DCAKD: variants seen among roughly 807,000 people sequenced by gnomAD.
DCAKD encodes dephospho-CoA kinase domain containing, also known as dephospho-CoA kinase domain-containing protein.
In DCAKD, 15 loss-of-function variants were observed where a neutral mutation model predicts 18.7. That is an observed-to-expected ratio of 0.80 (90% confidence interval 0.54 to 1.24). The LOEUF (loss-of-function observed/expected upper bound fraction) is 1.24, where lower values mean the gene tolerates loss of function less well. Among genes scored for constraint, DCAKD ranks in the 50% most tolerant of loss-of-function variants. DCAKD has a pLI of 0.00. For missense variants in DCAKD, 301 were observed against 322.0 expected (o/e 0.93, Z 0.50); for synonymous variants, 130 against 133.0 (o/e 0.98, Z 0.16).
chr17:45,026,804 G>A (rs758861985), intron 4 of DCAKD: 1 of 985,416 alleles, frequency 1.0e-6, no homozygotes, highest in East Asian at 1.1e-4. Context: ...GCCTTCATCA[G>A]GGAGACCACA....
intron 4 of DCAKD, chr17:45,026,768 C>A: frequency 2.0e-6 from 2 of 985,410 alleles, no homozygotes; most frequent in Non-Finnish European, 2.4e-6. Context: ...CAATACCCAC[C>A]TCGCTGAGAA....
At chr17:45,028,624 G>A (rs983489273) in intron 4 of DCAKD, among the ~76,000 whole-genome samples, 37 of 150,840 alleles carry the variant, frequency 2.5e-4, no homozygotes, top group Admixed American at 1.6e-3. Context: ...TGGTCATGCC[G>A]CTCTCGAACT....
In DCAKD at chr17:45,048,378, C is replaced by T. The variant is rs183788666; in HGVS notation, c.-115+2983G>A. On this transcript the variant is annotated intron_variant, in intron 1 of 4. Transcript: ENST00000651974. ...AAAAATTAGGCCAGGCATGTTGGCT[C>T]ATGCCTGTAATCCCAGCACTTTGGG... Among the ~76,000 whole-genome samples the T allele has an allele frequency of 3.0e-4, 46 of 152,216 alleles. 1 individual carries two copies. Among genetic ancestry groups the T allele is most frequent in the African/African-American group, 1.0e-3 (43 of 41,504 alleles).
chr17:45,028,294 T>G (rs1483691398), intron 4 of DCAKD, among the ~76,000 whole-genome samples: 1 of 151,072 alleles, frequency 6.6e-6, no homozygotes, highest in Non-Finnish European at 1.5e-5. Flanking sequence ...GTATTTTTAG[T>G]AGAGACAGGG....
rs772231057 is a variant in DCAKD, at chr17:45,024,657, G to C, written c.472C>G (p.Arg158Gly). 1 of 1,611,184 alleles carries C rather than the reference G, an allele frequency of 6.2e-7. No individual in the cohort carries two copies. The highest frequency in any genetic ancestry group is 1.1e-5 in the South Asian group (1 of 91,010). ...GTCAGGGGCAGCTGGGCATTGATGC[G>C]GGCCTCTGCGTCCTTGCGGTTCAGG... Reference protein sequence around the residue: ...NSLNRKDAEARINAQLPLTDK... With the variant: ...NSLNRKDAEAGINAQLPLTDK... The change falls in exon 5 of 5, where the codon CGC becomes GGC. Residue 158 changes from arginine (R) to glycine (G), a missense_variant. Arg to Gly is a moderately radical substitution (Grantham distance 125, BLOSUM62 -2). Coordinates refer to ENST00000651974, the MANE Select transcript of DCAKD (RefSeq NM_001288655.2).
At chr17:45,039,115 C>T (rs138135079) in intron 1 of DCAKD, among the ~76,000 whole-genome samples, 1 of 152,272 alleles carries the variant, frequency 6.6e-6, no homozygotes, top group African/African-American at 2.4e-5. Flanking sequence ...CACTTGGCTG[C>T]GCACAGATCT....
chr17:45,060,231 G>C (rs1347460342), intron 1 of DCAKD, among the ~76,000 whole-genome samples: 3 of 152,116 alleles, frequency 2.0e-5, no homozygotes, highest in Non-Finnish European at 4.4e-5. Flanking sequence ...ATTAAAGAAA[G>C]AGTTGATGTG....
intron 4 of DCAKD, 34 bp downstream of exon 4, chr17:45,030,058 C>T: frequency 1.9e-6 from 3 of 1,578,612 alleles, no homozygotes; most frequent in Non-Finnish European, 2.6e-6. Flanking sequence ...CCCCCATGGT[C>T]CTCCCTTCCA....
At chr17:45,058,357 CTTTTA>C (rs977259134) in intron 1 of DCAKD, among the ~76,000 whole-genome samples, 16 of 151,876 alleles carry the variant, frequency 1.1e-4, no homozygotes, top group East Asian at 7.8e-4. Flanking sequence ...ATCTTTTTAT[CTTTTA>C]TTTTATTATT....
At chr17:45,039,608 C>T (rs1337173370) in intron 1 of DCAKD, among the ~76,000 whole-genome samples, 1 of 152,220 alleles carries the variant, frequency 6.6e-6, no homozygotes, top group Non-Finnish European at 1.5e-5. Flanking sequence ...AGTCTTCTCT[C>T]CAGCCTGGCC....
At chr17:45,044,673 CA>C (rs1567845707) in intron 1 of DCAKD, among the ~76,000 whole-genome samples, 1 of 150,112 alleles carries the variant, frequency 6.7e-6, no homozygotes, top group African/African-American at 2.5e-5. Flanking sequence ...GCCTGGGAGA[CA>C]GAGAGAGACT....
rs1190551324 is a variant in DCAKD, at chr17:45,058,085, C to T, written c.-118+2803G>A. Among the ~76,000 whole-genome samples, 7 of 140,064 alleles carry T rather than the reference C, an allele frequency of 5.0e-5. No individual in the cohort carries two copies. In the South Asian group the frequency reaches 1.4e-3, roughly 28 times the overall value. 91.9% of individuals were successfully genotyped at this position (140,064 alleles called of 152,430 possible). ...ATTCCAGCACTTTGGGAGGCCAAGG[C>T]AGGTGGATTACCTGAGGTCAGGAGT... On this transcript the variant is annotated intron_variant, in intron 1 of 4. Transcript: ENST00000310604.
At chr17:45,055,295 G>T (rs1250905658), upstream of DCAKD, among the ~76,000 whole-genome samples, 2 of 152,154 alleles carry the variant, frequency 1.3e-5, no homozygotes, top group Middle Eastern at 3.2e-3. Flanking sequence ...CATTTTGTTT[G>T]ATGAACAACC....
chr17:45,024,088 G>A lies in DCAKD; in HGVS notation c.*345C>T, dbSNP rs181457416. The A allele has an allele frequency of 2.1e-5, 5 of 238,700 alleles. No homozygotes were observed. The Admixed American group carries it at 2.4e-4, about 11-fold the overall frequency. The allele number at this position is 238,700 out of a possible 1,614,324, so 14.8% of individuals were successfully genotyped here. A position where few individuals can be genotyped will look rare whatever the true frequency, so the allele number is the denominator to read the frequency against. On this transcript the variant is annotated 3_prime_UTR_variant, in exon 5 of 5. Coordinates refer to ENST00000651974, the MANE Select transcript of DCAKD (RefSeq NM_001288655.2). Reference sequence around the variant, plus strand: ...TCCCAGCTCTGAGGAGGGCCACAGAGCCAGTATTCCCTACCCCCACCCACA... The same window carrying A: ...TCCCAGCTCTGAGGAGGGCCACAGAACCAGTATTCCCTACCCCCACCCACA...
intron 1 of DCAKD, among the ~76,000 whole-genome samples, chr17:45,059,689 T>TG (rs1379000943): frequency 6.6e-6 from 1 of 152,170 alleles, no homozygotes; most frequent in African/African-American, 2.4e-5. Context: ...ACTTTTATGG[T>TG]GGCAAAGAAT....
In DCAKD at chr17:45,051,543, C is replaced by T. The variant is rs1348030246; in HGVS notation, c.-297G>A. On this transcript the variant is annotated 5_prime_UTR_variant, in exon 1 of 5. Transcript: ENST00000651974. ...CTGGCTCTCACCGGCCCGCGTGGCG[C>T]GCTACGTACCCAGCGCCTCCGCCGT... 6.6e-6 allele frequency: 1 copy of T among 151,452 alleles called. No homozygotes were observed. The highest frequency in any genetic ancestry group is 1.5e-5 in the Non-Finnish European group (1 of 67,836). The allele number at this position is 151,452 out of a possible 1,614,324, so 9.4% of individuals were successfully genotyped here. A position where few individuals can be genotyped will look rare whatever the true frequency, so the allele number is the denominator to read the frequency against.
intron 1 of DCAKD, among the ~76,000 whole-genome samples, chr17:45,043,731 G>A (rs527939743): frequency 6.6e-6 from 1 of 152,100 alleles, no homozygotes; most frequent in African/African-American, 2.4e-5. Flanking sequence ...TTGGTCTCTC[G>A]GCTCCCTCCG....
At chr17:45,047,768 G>T (rs1429431710) in intron 1 of DCAKD, among the ~76,000 whole-genome samples, 1 of 151,932 alleles carries the variant, frequency 6.6e-6, no homozygotes, top group Admixed American at 6.6e-5. Flanking sequence ...CTCCCAAAGT[G>T]CTGGGTTTAC....
intron 4 of DCAKD, 97 bp downstream of exon 4, chr17:45,029,995 C>T (rs890610270): frequency 2.6e-5 from 29 of 1,135,306 alleles, no homozygotes; most frequent in African/African-American, 9.2e-5. Context: ...GCCTCTTGGC[C>T]GCCCCGTGGG....
Sources: allele counts gnomAD v4.1 joint callset (sites outside exome capture counted in the v4.1 genomes callset), GRCh38; gene constraint gnomAD v4.1.1; transcripts MANE v1.5; gene names NCBI Gene and HGNC (gene_info 2026-07-23, HGNC 2026-07-21).